The following STIM2 variants were observed in gnomAD, a reference collection of about 807,000 sequenced individuals.
The protein encoded by STIM2 is stromal interaction molecule 2.
A neutral mutation model predicts 85.8 loss-of-function variants in STIM2; 31 were observed. The ratio of observed to expected loss-of-function variants is 0.36; its 90% CI spans 0.27 to 0.49. STIM2 has a LOEUF of 0.49. STIM2 is among the 20% of genes least tolerant of loss of function. The pLI is 0.98. For missense variants in STIM2, 841 were observed against 927.6 expected, an observed-to-expected ratio of 0.91 and a Z score of 1.21; for synonymous variants, 356 against 331.1, an observed-to-expected ratio of 1.08 and a Z score of -0.82.
At chr4:26,886,707 T>C (rs1723263145) in intron 1 of STIM2, among the ~76,000 whole-genome samples, 1 of 152,210 alleles carries the variant, frequency 6.6e-6, no homozygotes, top group South Asian at 2.1e-4. Flanking sequence ...ATGTACAGTC[T>C]TGTAGACATC....
At chr4:26,965,672 C>CT (rs1726689656) in intron 3 of STIM2, among the ~76,000 whole-genome samples, 2 of 152,100 alleles carry the variant, frequency 1.3e-5, no homozygotes, top group African/African-American at 4.8e-5. Flanking sequence ...AGTTCTTCCT[C>CT]TTTCACTTAA....
At chr4:27,002,146 A>G (rs1464592752) in intron 5 of STIM2, 71 bp from the exon 6 acceptor site, 1 of 1,439,748 alleles carries the variant, frequency 6.9e-7, no homozygotes, top group South Asian at 1.5e-5. Context: ...TACTACTTAA[A>G]AAATGTCTTT....
At position 27,014,473 on chromosome 4, in the gene STIM2, TG is replaced by T. The variant is rs549010832; in HGVS notation, c.1490-3237del. ...GTTTTAATTTCCAAATATGTATGTA[TG>T]TTTTTTTTTTTGTTGTCTGTTGGGT... is the stretch of plus-strand genomic sequence containing the variant. On this transcript the variant is annotated intron_variant, in intron 10 of 11. Coordinates refer to ENST00000467087, the MANE Select transcript of STIM2 (RefSeq NM_020860.4). Among the ~76,000 whole-genome samples the T allele has an allele frequency of 2.9e-3, 447 of 151,902 alleles. 3 individuals are homozygous for T. Among genetic ancestry groups the T allele is most frequent in the African/African-American group, 9.5e-3 (393 of 41,510 alleles).
At chr4:26,898,536 C>T (rs1723792603) in intron 1 of STIM2, among the ~76,000 whole-genome samples, 1 of 152,044 alleles carries the variant, frequency 6.6e-6, no homozygotes. Flanking sequence ...TGCCTAGATC[C>T]AATATATTGG....
intron 1 of STIM2, among the ~76,000 whole-genome samples, chr4:26,865,938 A>G (rs897744233): frequency 6.6e-6 from 1 of 151,966 alleles, no homozygotes; most frequent in Non-Finnish European, 1.5e-5. Flanking sequence ...TGCTTTTTAT[A>G]TTATACATCA....
At chr4:26,928,614 T>C (rs1385022517) in intron 2 of STIM2, among the ~76,000 whole-genome samples, 1 of 152,180 alleles carries the variant, frequency 6.6e-6, no homozygotes, top group Non-Finnish European at 1.5e-5. Context: ...TCTCTAGCAA[T>C]ATTCCTGCCT....
intron 1 of STIM2, chr4:26,881,370 G>A (rs1035112364): frequency 1.3e-5 from 2 of 151,588 alleles, no homozygotes; most frequent in Admixed American, 6.6e-5. Context: ...GGAGGCTGAG[G>A]CAGAATAATG....
In STIM2 at chr4:27,022,620, C is replaced by T. The variant is rs368630622; in HGVS notation, c.1865C>T (p.Pro622Leu). The T allele has an allele frequency of 6.2e-6, 10 of 1,613,976 alleles. No homozygotes were observed. The highest frequency in any genetic ancestry group is 1.3e-5 in the African/African-American group (1 of 74,886). The change falls in exon 12 of 12, where the codon CCG (proline) becomes CTG (leucine). Residue 622 changes from proline (P) to leucine (L), a missense_variant. Transcript: ENST00000467087. ...CTCGAGATATACCAAACATTATCTC[C>T]GCGAAAGATATCAAGAGATGAGGTG...
At chr4:27,002,170 C>T in intron 5 of STIM2, 47 bp from the exon 6 acceptor site, 1 of 1,519,866 alleles carries the variant, frequency 6.6e-7, no homozygotes, top group Non-Finnish European at 8.8e-7. Context: ...TATTGAGGTC[C>T]TGTCATACTC....
At chr4:26,866,788 T>C (rs1457755035) in intron 1 of STIM2, among the ~76,000 whole-genome samples, 1 of 152,174 alleles carries the variant, frequency 6.6e-6, no homozygotes, top group Non-Finnish European at 1.5e-5. Context: ...ATATCCATTT[T>C]ATTAGATTAT....
intron 10 of STIM2, among the ~76,000 whole-genome samples, chr4:27,015,436 T>G (rs1728697729): frequency 6.6e-6 from 1 of 152,044 alleles, no homozygotes; most frequent in African/African-American, 2.4e-5. Flanking sequence ...TTGCTTGTTA[T>G]TCATTTCTTT....
intron 1 of STIM2, among the ~76,000 whole-genome samples, chr4:26,913,995 G>A (rs1724440994): frequency 6.6e-6 from 1 of 152,184 alleles, no homozygotes; most frequent in Non-Finnish European, 1.5e-5. Flanking sequence ...AAATAAGACA[G>A]CCTCTGAGGA....
intron 3 of STIM2, among the ~76,000 whole-genome samples, chr4:26,969,762 T>A (rs942470334): frequency 6.6e-6 from 1 of 152,186 alleles, no homozygotes; most frequent in Non-Finnish European, 1.5e-5. Context: ...GCTTTAGGAC[T>A]GTGTCTGGAT....
rs1560233787 is a variant in STIM2 at position 26,995,381 on chromosome 4, C to A, written c.400C>A (p.His134Asn). 1.3e-6 allele frequency: 2 copies of A among 1,558,136 alleles called. No individual in the cohort carries two copies. Among genetic ancestry groups the A allele is most frequent in the Non-Finnish European group, 8.7e-7 (1 of 1,153,498 alleles). The stretch of plus-strand genomic sequence containing the variant: ...CATTCCCCTTTTATCTCCTGCAGTT[C>A]ATAATTGGACCCTTGAAGACACTCT... Residue 134 changes from histidine (H) to asparagine (N), a missense_variant and splice_region_variant, in exon 4 of 12, where the codon CAT becomes AAT. His to Asn is a moderately conservative substitution (Grantham distance 68). Transcript: ENST00000467087.
intron 2 of STIM2, among the ~76,000 whole-genome samples, chr4:26,930,785 A>G (rs772350692): frequency 1.3e-5 from 2 of 152,200 alleles, no homozygotes; most frequent in Non-Finnish European, 2.9e-5. Flanking sequence ...GATTAAATAC[A>G]TATATTTTTT....
At chr4:26,977,753 G>A (rs758865670) in intron 3 of STIM2, among the ~76,000 whole-genome samples, 23 of 152,122 alleles carry the variant, frequency 1.5e-4, no homozygotes, top group Non-Finnish European at 2.8e-4. Flanking sequence ...GAAGTCTCAT[G>A]GGGGAGGTTG....
At chr4:26,921,465 C>G (rs930159635) in intron 2 of STIM2, among the ~76,000 whole-genome samples, 4 of 152,222 alleles carry the variant, frequency 2.6e-5, no homozygotes, top group Non-Finnish European at 4.4e-5. Flanking sequence ...GCTGTTGTAA[C>G]TATTCAACTC....
Position 27,024,625 on chromosome 4 carries a change from T to G in STIM2, c.*1629T>G, listed in dbSNP as rs1158407331. 6.6e-6 allele frequency: 1 copy of G among 152,212 alleles called. No homozygotes were observed. Among genetic ancestry groups the G allele is most frequent in the East Asian group, 1.9e-4 (1 of 5,202 alleles). The allele number at this position is 152,212 out of a possible 1,614,324, so 9.4% of individuals were successfully genotyped here. ...AAACTTGAATGGTATTTATATTGGC[T>G]GATATTTATATACTTAATAGATTGA... is the stretch of plus-strand genomic sequence containing the variant. On this transcript the variant is annotated 3_prime_UTR_variant, in exon 12 of 12. Coordinates refer to ENST00000467087, the MANE Select transcript of STIM2 (RefSeq NM_020860.4).
At chr4:26,992,897 C>G (rs1049034458) in intron 3 of STIM2, among the ~76,000 whole-genome samples, 8 of 152,100 alleles carry the variant, frequency 5.3e-5, no homozygotes, top group African/African-American at 1.9e-4. Context: ...GATTCGTTGT[C>G]AAGACCACTA....
Sources: allele counts gnomAD v4.1 joint callset (sites outside exome capture counted in the v4.1 genomes callset), GRCh38; gene constraint gnomAD v4.1.1; transcripts MANE v1.5; gene names NCBI Gene and HGNC (gene_info 2026-07-23, HGNC 2026-07-21).